BARD1: variants seen among roughly 807,000 people sequenced by gnomAD.
The protein encoded by BARD1 is BRCA1 associated RING domain 1, also known as BRCA1-associated RING domain protein 1.
Under a neutral mutation model 77.0 loss-of-function variants are expected in BARD1, and 73 were observed. The ratio of observed to expected loss-of-function variants is 0.95; its 90% confidence interval spans 0.79 to 1.15. The LOEUF (loss-of-function observed/expected upper bound fraction) is 1.15. Among genes scored for constraint, BARD1 ranks in the 50% most tolerant of loss-of-function variants. The pLI, the probability that BARD1 is intolerant of heterozygous loss-of-function variation, is 0.00. For synonymous variants in BARD1, 384 were observed against 338.0 expected, an observed-to-expected ratio of 1.14 and a Z score of -1.49; for missense variants, 993 against 938.8, an observed-to-expected ratio of 1.06 and a Z score of -0.75.
chr2:214,765,486 A>G (rs1234586963), intron 6 of BARD1, among the ~76,000 whole-genome samples: 2 of 152,192 alleles, frequency 1.3e-5, no homozygotes, highest in Admixed American at 1.3e-4. Flanking sequence ...AAGGCACAGA[A>G]ATTAACCTGC....
chr2:214,757,985 G>A (rs570344982), intron 6 of BARD1, among the ~76,000 whole-genome samples: 1 of 152,088 alleles, frequency 6.6e-6, no homozygotes, highest in African/African-American at 2.4e-5. Flanking sequence ...GAGAGGGAAT[G>A]TACCACAGGA....
intron 6 of BARD1, among the ~76,000 whole-genome samples, chr2:214,759,989 T>C (rs928618558): frequency 2.0e-5 from 3 of 152,194 alleles, no homozygotes; most frequent in Non-Finnish European, 2.9e-5. Flanking sequence ...CAGCAGATAA[T>C]ACTCCATTCT....
intron 3 of BARD1, among the ~76,000 whole-genome samples, chr2:214,788,583 A>T (rs1695379046): frequency 6.6e-6 from 1 of 152,082 alleles, no homozygotes; most frequent in Admixed American, 6.6e-5. Context: ...GTTCATTTGA[A>T]AGATAAATTG....
chr2:214,743,150 T>G (rs955139545), intron 9 of BARD1, among the ~76,000 whole-genome samples: 1 of 152,290 alleles, frequency 6.6e-6, no homozygotes, highest in African/African-American at 2.4e-5. Flanking sequence ...TCAGACTGCA[T>G]TGGTTGAGAC....
intron 9 of BARD1, 54 bp from the exon 10 acceptor site, chr2:214,730,562 T>C: frequency 7.1e-7 from 1 of 1,414,404 alleles, no homozygotes; most frequent in Middle Eastern, 1.8e-4. Flanking sequence ...GCACTATATC[T>C]CTCTCATTAA....
At chr2:214,729,633 A>G (rs1037104150) in intron 10 of BARD1, among the ~76,000 whole-genome samples, 2 of 152,224 alleles carry the variant, frequency 1.3e-5, no homozygotes, top group Non-Finnish European at 2.9e-5. Context: ...GTATAAAGAA[A>G]AAAACAAACT....
At position 214,780,738 on chromosome 2, in the gene BARD1, T is replaced by G. The variant is rs750827325; in HGVS notation, c.1136A>C (p.Lys379Thr). Residue 379 changes from lysine to threonine, a missense_variant, in exon 4 of 11, where the codon AAA becomes ACA. Transcript: ENST00000260947. ...KRKVGGTSGR[K>T]NSNMSDEFIS... ...GAATTCATCGGACATGTTACTGTTT[T>G]TCCTCCCTGATGTACCACCAACTTT... is the stretch of plus-strand genomic sequence containing the variant. The G allele has an allele frequency of 1.2e-6, 2 of 1,614,092 alleles. No homozygotes were observed. The highest frequency in any genetic ancestry group is 1.6e-4 in the Middle Eastern group (1 of 6,062).
chr2:214,761,886 G>A (rs903652992), intron 6 of BARD1, among the ~76,000 whole-genome samples: 1 of 152,108 alleles, frequency 6.6e-6, no homozygotes, highest in Admixed American at 6.5e-5. Context: ...TGGAAGCACT[G>A]ACAAATGCAA....
intron 9 of BARD1, among the ~76,000 whole-genome samples, chr2:214,741,981 G>A (rs927509172): frequency 5.3e-5 from 8 of 152,110 alleles, no homozygotes; most frequent in Non-Finnish European, 1.0e-4. Context: ...TATCTATAGA[G>A]AAAATTACAA....
rs564838936 is a variant in BARD1, at chr2:214,728,879, T to C, written c.2131A>G (p.Ser711Gly). Residue 711 changes from serine to glycine, a missense_variant, in exon 11 of 11, where the codon AGT (serine) becomes GGT (glycine). Transcript: ENST00000260947. ...GTATTGATGGTCTGAGTCACGTCAC[T>C]GTCTGGCTTGGGCTTTCTACTGAGG... ...QILSRKPKPD[S>G]DVTQTINTVA... 4.3e-6 allele frequency: 7 copies of C among 1,614,226 alleles called. 1 individual carries two copies. In the South Asian group the frequency reaches 7.7e-5, roughly 18 times the overall value.
At chr2:214,783,628 T>C (rs568544760) in intron 3 of BARD1, among the ~76,000 whole-genome samples, 47 of 152,170 alleles carry the variant, frequency 3.1e-4, no homozygotes, top group African/African-American at 1.1e-3. Context: ...TCTTAAAACC[T>C]AGAAGACGGG....
intron 3 of BARD1, among the ~76,000 whole-genome samples, chr2:214,790,516 G>C (rs1316965915): frequency 6.6e-6 from 1 of 152,140 alleles, no homozygotes; most frequent in Non-Finnish European, 1.5e-5. Context: ...CTGTCTCACA[G>C]ACCTCAACAA....
chr2:214,767,679 G>A lies in BARD1; in HGVS notation c.1396-25C>T, dbSNP rs774914916. On this transcript the variant is annotated intron_variant, in intron 5 of 10. Coordinates refer to ENST00000260947, the MANE Select transcript of BARD1 (RefSeq NM_000465.4). ...GCTAATTAAATTTTTTGAAAAAGAA[G>A]TGAAAGAAGTGATAAGAAAGAGCAA... 17 of 1,604,774 alleles carry A rather than the reference G, an allele frequency of 1.1e-5. No homozygotes were observed. In the Admixed American group the frequency reaches 2.7e-4, roughly 25 times the overall value.
chr2:214,750,582 T>C (rs189671308), intron 7 of BARD1, among the ~76,000 whole-genome samples: 17 of 152,236 alleles, frequency 1.1e-4, no homozygotes, highest in African/African-American at 4.1e-4. Context: ...ACACTCAAAA[T>C]CTATTGCTCA....
chr2:214,781,591 T>C, intron 3 of BARD1, 82 bp from the exon 4 acceptor site: 1 of 1,113,980 alleles, frequency 9.0e-7, no homozygotes, highest in East Asian at 2.4e-5. Context: ...TTGTTTACAG[T>C]TCCCCTAAAG....
At chr2:214,786,384 T>C (rs1463190631) in intron 3 of BARD1, among the ~76,000 whole-genome samples, 1 of 152,038 alleles carries the variant, frequency 6.6e-6, no homozygotes, top group Admixed American at 6.6e-5. Flanking sequence ...GCTTGTTTTA[T>C]TGTTTTACCA....
intron 7 of BARD1, among the ~76,000 whole-genome samples, chr2:214,747,534 G>T (rs1200760202): frequency 4.0e-5 from 6 of 151,596 alleles, no homozygotes; most frequent in East Asian, 1.9e-4. Flanking sequence ...CCATAAAAAA[G>T]GATGAGTTCA....
rs1222601548 is a variant in BARD1 at position 214,805,923 on chromosome 2, GTGTTATA to G, written c.158+3482_158+3488del. On this transcript the variant is annotated intron_variant, in intron 1 of 10. Coordinates refer to ENST00000260947, the MANE Select transcript of BARD1 (RefSeq NM_000465.4). ...GAGGTACCTATTAATTCACAAAACA[GTGTTATA>G]TGACACCTGGGGCTTCTACACTGCA... 6.6e-5 allele frequency among the ~76,000 whole-genome samples: 10 copies of G among 152,168 alleles called. 1 individual carries two copies. The South Asian group carries it at 2.1e-3, about 32-fold the overall frequency.
Position 214,790,802 on chromosome 2 carries a change from A to C in BARD1, c.364+1495T>G, listed in dbSNP as rs192304712. Among the ~76,000 whole-genome samples the C allele has an allele frequency of 3.3e-5, 5 of 152,266 alleles. No homozygotes were observed. The East Asian group carries it at 9.7e-4, about 29-fold the overall frequency. On this transcript the variant is annotated intron_variant, in intron 3 of 10. Coordinates refer to ENST00000260947, the MANE Select transcript of BARD1 (RefSeq NM_000465.4). Reference sequence around the variant, plus strand: ...TAACAAAAGTCACTTTCACACAAACATGAACAGTTTTCATACTGCACAATT... The same window carrying C: ...TAACAAAAGTCACTTTCACACAAACCTGAACAGTTTTCATACTGCACAATT...
Sources: gnomAD v4.1 joint callset for allele counts (sites outside exome capture counted in the v4.1 genomes callset) on GRCh38, gnomAD v4.1.1 for gene constraint, MANE v1.5 for transcripts, NCBI Gene and HGNC (gene_info 2026-07-23, HGNC 2026-07-21) for gene names.